Variants in PCMT1 observed in about 807,000 individuals in gnomAD.
PCMT1 encodes protein-L-isoaspartate(D-aspartate) O-methyltransferase.
Under a neutral mutation model 29.2 loss-of-function variants are expected in PCMT1, and 9 were observed. That is an observed-to-expected ratio of 0.31 (90% CI 0.19 to 0.54). The LOEUF is 0.54. PCMT1 is among the 20% of genes least tolerant of loss of function. The probability of loss-of-function intolerance (pLI) is 0.95; values close to 1 mark genes in which losing one functional copy is unlikely to be tolerated. For synonymous variants in PCMT1, 98 were observed against 97.5 expected, an observed-to-expected ratio of 1.00 and a Z score of -0.03; for missense variants, 184 against 282.2, an observed-to-expected ratio of 0.65 and a Z score of 2.49.
chr6:149,751,941 C>T (rs1039565962), intron 1 of PCMT1, among the ~76,000 whole-genome samples: 1 of 150,662 alleles, frequency 6.6e-6, no homozygotes, highest in Non-Finnish European at 1.5e-5. Context: ...GGTGTGAGCT[C>T]GGCTCACTGC....
At chr6:149,772,598 G>A (rs748357068) in intron 2 of PCMT1, 1 of 456,004 alleles carries the variant, frequency 2.2e-6, no homozygotes, top group Non-Finnish European at 4.4e-6. Context: ...GTACTTTAGA[G>A]GGACTGTTTT....
intron 5 of PCMT1, 76 bp downstream of exon 5, chr6:149,793,745 C>T (rs2115319783): frequency 1.6e-6 from 2 of 1,222,092 alleles, no homozygotes; most frequent in African/African-American, 1.6e-5. Context: ...CTAAATAATA[C>T]TCAGAGGTAA....
rs117657056 is a variant in PCMT1, at chr6:149,776,502, C to T, written c.192+3333C>T. Among the ~76,000 whole-genome samples the T allele has an allele frequency of 6.1e-4, 93 of 152,128 alleles. 1 individual carries two copies. In the East Asian group the frequency reaches 0.018, roughly 29 times the overall value. On this transcript the variant is annotated intron_variant, in intron 3 of 7. Transcript: ENST00000464889. Reference sequence around the variant, plus strand: ...CTGACCTCCTGACCTCAAGTGATCTCCTGACCTCAAGTGATCCACCCGCCT... The same window carrying T: ...CTGACCTCCTGACCTCAAGTGATCTTCTGACCTCAAGTGATCCACCCGCCT...
intron 2 of PCMT1, among the ~76,000 whole-genome samples, 163 bp from the exon 3 acceptor site, chr6:149,772,975 C>A (rs1726891663): frequency 6.7e-6 from 1 of 149,202 alleles, no homozygotes. Context: ...CAAGATCGCG[C>A]CACTGCACTC....
In PCMT1 at chr6:149,793,653, G is replaced by C. The variant is rs1263654340; in HGVS notation, c.402G>C (p.Gly134=). 6.4e-7 allele frequency: 1 copy of C among 1,551,838 alleles called. No individual in the cohort carries two copies. The highest frequency in any genetic ancestry group is 2.5e-5 in the East Asian group (1 of 40,290). ...ACGATCCAACACTTCTGTCTTCAGG[G>C]AGAGTACAGCTTGTTGGTAAGTATC... ...RKDDPTLLSS[G]RVQLVVGDGR... is the part of the protein sequence containing the mutation. The change falls in exon 5 of 8, where the codon GGG becomes GGC. Residue 134 remains glycine (G), a synonymous_variant. Coordinates refer to ENST00000464889, the MANE Select transcript of PCMT1 (RefSeq NM_001360452.2).
intron 2 of PCMT1, chr6:149,771,906 T>C (rs1194595916): frequency 4.5e-6 from 2 of 446,834 alleles, no homozygotes; most frequent in Non-Finnish European, 9.0e-6. Flanking sequence ...AGATTAGTTT[T>C]CAGGTTAGGA....
chr6:149,789,577 G>A (rs1380483128), intron 3 of PCMT1, among the ~76,000 whole-genome samples: 1 of 152,096 alleles, frequency 6.6e-6, no homozygotes, highest in Non-Finnish European at 1.5e-5. Flanking sequence ...TATATGCAAA[G>A]AATCTATTCC....
intron 7 of PCMT1, among the ~76,000 whole-genome samples, chr6:149,804,457 C>G (rs1775948579): frequency 6.6e-6 from 1 of 152,112 alleles, no homozygotes; most frequent in Admixed American, 6.6e-5. Context: ...GCTGAAGCTG[C>G]AGAGCCCTTG....
intron 3 of PCMT1, among the ~76,000 whole-genome samples, chr6:149,781,699 A>C (rs1410520901): frequency 6.6e-6 from 1 of 152,162 alleles, no homozygotes; most frequent in African/African-American, 2.4e-5. Context: ...TTCATTGTTA[A>C]AACTGTATTT....
intron 6 of PCMT1, chr6:149,797,959 A>ATTCT (rs1267276127): frequency 6.6e-6 from 1 of 152,172 alleles, no homozygotes; most frequent in African/African-American, 2.4e-5. Flanking sequence ...TGCGCTCAGA[A>ATTCT]GTTCGAGACC....
intron 5 of PCMT1, chr6:149,795,433 TATAAGAAC>T: frequency 2.5e-6 from 1 of 404,602 alleles, no homozygotes; most frequent in Non-Finnish European, 4.7e-6. Flanking sequence ...GAGCTCTGAA[TATAAGAAC>T]ATAAGAACAA....
At chr6:149,785,996 G>A (rs1278542101) in intron 3 of PCMT1, among the ~76,000 whole-genome samples, 4 of 149,754 alleles carry the variant, frequency 2.7e-5, no homozygotes, top group South Asian at 2.1e-4. Flanking sequence ...GGGCAGAGGC[G>A]CCCCTCACCT....
At chr6:149,755,377 A>G (rs940878360) in intron 1 of PCMT1, among the ~76,000 whole-genome samples, 1 of 152,044 alleles carries the variant, frequency 6.6e-6, no homozygotes, top group African/African-American at 2.4e-5. Flanking sequence ...CAGTAAGCCA[A>G]GATCATGCCA....
At chr6:149,808,838 A>G (rs954403380) in intron 7 of PCMT1, among the ~76,000 whole-genome samples, 52 of 151,880 alleles carry the variant, frequency 3.4e-4, no homozygotes, top group South Asian at 1.5e-3. Context: ...AGGTTTCACC[A>G]TGTTAGCCAG....
At chr6:149,773,018 A>AC in intron 2 of PCMT1, 120 bp from the exon 3 acceptor site, 6 of 411,414 alleles carry the variant, frequency 1.5e-5, no homozygotes, top group Non-Finnish European at 2.3e-5. Context: ...CTGTCTCAGA[A>AC]AAAAAAAAAA....
At chr6:149,765,255 G>C (rs1787032069) in intron 1 of PCMT1, among the ~76,000 whole-genome samples, 1 of 148,624 alleles carries the variant, frequency 6.7e-6, no homozygotes, top group South Asian at 2.1e-4. Flanking sequence ...AGCTACTCGG[G>C]AGGCTGAGGC....
At chr6:149,767,176 C>T (rs529268770) in intron 1 of PCMT1, among the ~76,000 whole-genome samples, 1 of 152,024 alleles carries the variant, frequency 6.6e-6, no homozygotes, top group African/African-American at 2.4e-5. Context: ...CACTGCACTC[C>T]AGCCTGGGCA....
rs1404515904 is a variant in PCMT1, at chr6:149,762,842, T to C, written c.56-8320T>C. 1.3e-4 allele frequency among the ~76,000 whole-genome samples: 6 copies of C among 44,808 alleles called. 1 individual carries two copies. The South Asian group carries it at 4.0e-3, about 30-fold the overall frequency. 29.4% of individuals were successfully genotyped at this position (44,808 alleles called of 152,430 possible). A position where few individuals can be genotyped will look rare whatever the true frequency, so the allele number is the denominator to read the frequency against. ...ATCTATGATATATATGATATATATATCTATGATATATATCTATGATATATA... is the reference window on the plus strand; with the variant it reads ...ATCTATGATATATATGATATATATACCTATGATATATATCTATGATATATA... On this transcript the variant is annotated intron_variant, in intron 1 of 7. Transcript: ENST00000464889.
intron 5 of PCMT1, chr6:149,795,022 G>A (rs946856535): frequency 3.4e-5 from 12 of 356,872 alleles, no homozygotes; most frequent in South Asian, 2.3e-4. Flanking sequence ...GTGAAACCCC[G>A]TCTCTACTAA....
Sources: allele counts gnomAD v4.1 joint callset (sites outside exome capture counted in the v4.1 genomes callset), GRCh38; gene constraint gnomAD v4.1.1; transcripts MANE v1.5; gene names NCBI Gene and HGNC (gene_info 2026-07-23, HGNC 2026-07-21).